Variants in VAV3 observed in about 807,000 individuals in gnomAD.
The protein encoded by VAV3 is vav guanine nucleotide exchange factor 3, also known as guanine nucleotide exchange factor VAV3.
VAV3 carries 94 observed loss-of-function variants against 131.2 expected under a neutral mutation model. That is an observed-to-expected ratio of 0.72 (90% CI 0.61 to 0.85). The LOEUF (loss-of-function observed/expected upper bound fraction) is 0.85, where lower values mean the gene tolerates loss of function less well. Among genes scored for constraint, VAV3 ranks in the 40% least tolerant of loss-of-function variants. The pLI is 0.00. For missense variants in VAV3, 939 were observed against 1,002.7 expected, an observed-to-expected ratio of 0.94 and a Z score of 0.86; for synonymous variants, 349 against 342.0, an observed-to-expected ratio of 1.02 and a Z score of -0.22.
At chr1:107,720,878 G>A (rs888784328) in intron 15 of VAV3, among the ~76,000 whole-genome samples, 17 of 152,174 alleles carry the variant, frequency 1.1e-4, no homozygotes, top group African/African-American at 3.9e-4. Flanking sequence ...CTTTCTCAGT[G>A]GAGACCAAAA....
intron 2 of VAV3, among the ~76,000 whole-genome samples, chr1:107,834,836 A>T (rs1292092731): frequency 6.6e-6 from 1 of 151,984 alleles, no homozygotes; most frequent in Non-Finnish European, 1.5e-5. Context: ...GCTCCTAAGG[A>T]AGAAGTGAGT....
intron 2 of VAV3, among the ~76,000 whole-genome samples, chr1:107,812,121 A>G (rs1667341767): frequency 6.6e-6 from 1 of 152,196 alleles, no homozygotes; most frequent in African/African-American, 2.4e-5. Context: ...ATCATTAACA[A>G]AAGTTTAAAG....
At chr1:107,810,284 T>A (rs916501774) in intron 2 of VAV3, among the ~76,000 whole-genome samples, 23 of 152,194 alleles carry the variant, frequency 1.5e-4, no homozygotes, top group African/African-American at 5.5e-4. Context: ...CCATCAGCAT[T>A]TTCTACACAT....
chr1:107,830,861 C>T (rs1376536496), intron 2 of VAV3, among the ~76,000 whole-genome samples: 4 of 152,146 alleles, frequency 2.6e-5, no homozygotes, highest in Non-Finnish European at 5.9e-5. Flanking sequence ...TGTGAGCCAC[C>T]GCAGCTGGCT....
At chr1:107,588,792 G>A (rs1425028756) in intron 25 of VAV3, among the ~76,000 whole-genome samples, 5 of 152,130 alleles carry the variant, frequency 3.3e-5, no homozygotes, top group Admixed American at 6.6e-5. Flanking sequence ...TTTGTAAAAG[G>A]GGTTTGAAAA....
intron 2 of VAV3, among the ~76,000 whole-genome samples, chr1:107,853,186 C>T (rs115675288): frequency 0.018 from 2,759 of 152,172 alleles, 73 homozygotes; most frequent in African/African-American, 0.054. Context: ...GTTAAGAGCT[C>T]GTGCTCTGGA....
intron 11 of VAV3, 28 bp downstream of exon 11, chr1:107,757,233 A>AC (rs1557825357): frequency 6.2e-7 from 1 of 1,602,460 alleles, no homozygotes; most frequent in Admixed American, 1.7e-5. Flanking sequence ...TAAAAAATAC[A>AC]AACAAATTAC....
chr1:107,704,483 CTTAA>C (rs752825673), intron 17 of VAV3, 63 bp downstream of exon 17: 160 of 1,279,504 alleles, frequency 1.3e-4, no homozygotes, highest in Non-Finnish European at 1.8e-4. Flanking sequence ...TAAATTAGGC[CTTAA>C]TTATGTTTAG....
chr1:107,866,728 C>G (rs1168421655), intron 2 of VAV3, among the ~76,000 whole-genome samples: 4 of 142,564 alleles, frequency 2.8e-5, no homozygotes, highest in African/African-American at 1.1e-4. Flanking sequence ...GAGGCTGAGG[C>G]AGGAGAATCA....
At chr1:107,741,716 A>ATG (rs1663034488) in intron 15 of VAV3, among the ~76,000 whole-genome samples, 1 of 152,184 alleles carries the variant, frequency 6.6e-6, no homozygotes, top group Non-Finnish European at 1.5e-5. Context: ...AAATATGAGA[A>ATG]TGTAGGTGGG....
At chr1:107,607,681 T>C (rs963472929) in intron 22 of VAV3, among the ~76,000 whole-genome samples, 2 of 152,232 alleles carry the variant, frequency 1.3e-5, no homozygotes, top group African/African-American at 4.8e-5. Flanking sequence ...GATTTTAGGA[T>C]AGTTCCCCAG....
intron 19 of VAV3, among the ~76,000 whole-genome samples, chr1:107,644,941 C>T (rs996134361): frequency 1.6e-5 from 1 of 64,352 alleles, no homozygotes; most frequent in Non-Finnish European, 4.1e-5. Context: ...CACTAGTATA[C>T]TCTGTATACT....
chr1:107,798,515 G>A (rs989957149), intron 2 of VAV3, among the ~76,000 whole-genome samples: 3 of 151,784 alleles, frequency 2.0e-5, no homozygotes, highest in African/African-American at 4.8e-5. Flanking sequence ...TCAGGAGATC[G>A]AGACCATTCT....
In VAV3 at chr1:107,642,669, C is replaced by T. The variant is rs765664381; in HGVS notation, c.1864G>A (p.Gly622Arg). The change falls in exon 20 of 27, where the codon GGG becomes AGG. Residue 622 changes from glycine to arginine, a missense_variant. Gly to Arg is a moderately radical substitution (Grantham distance 125). Transcript: ENST00000370056. ...HEGPPLQLQA[G>R]DTVELLKGDA... is the part of the protein sequence containing the mutation. ...CCTTTCAGAAGTTCAACGGTATCCC[C>T]GGCCTGGAGCTGTAAAGGGGGTCCT... 1.5e-5 allele frequency: 24 copies of T among 1,613,164 alleles called. No individual in the cohort carries two copies. Among genetic ancestry groups the T allele is most frequent in the Non-Finnish European group, 1.9e-5 (23 of 1,179,632 alleles).
chr1:107,874,438 A>T (rs534546186), intron 2 of VAV3, among the ~76,000 whole-genome samples: 2 of 152,296 alleles, frequency 1.3e-5, no homozygotes, highest in South Asian at 4.1e-4. Context: ...ACCAAGTATC[A>T]AAATAGAGAA....
At chr1:107,658,711 A>AT (rs1245935419) in intron 19 of VAV3, among the ~76,000 whole-genome samples, 1 of 151,962 alleles carries the variant, frequency 6.6e-6, no homozygotes, top group African/African-American at 2.4e-5. Flanking sequence ...GATGATGAGC[A>AT]TTTTTTCATG....
At chr1:107,753,842 G>A (rs1663935068) in intron 12 of VAV3, among the ~76,000 whole-genome samples, 1 of 151,888 alleles carries the variant, frequency 6.6e-6, no homozygotes, top group Non-Finnish European at 1.5e-5. Context: ...TTACATGTGT[G>A]AGCCACCACA....
In VAV3 at chr1:107,630,273, T is replaced by A. The variant is rs554822639; in HGVS notation, c.1914+12346A>T. ...CTGGTTCTCCCAACATGAAACACAG[T>A]CAGTTACATAGTAGGCACTTTATAA... On this transcript the variant is annotated intron_variant, in intron 20 of 26. Coordinates refer to ENST00000370056, the MANE Select transcript of VAV3 (RefSeq NM_006113.5). Among the ~76,000 whole-genome samples, 11 of 152,190 alleles carry A rather than the reference T, an allele frequency of 7.2e-5. No individual in the cohort carries two copies. In the South Asian group the frequency reaches 2.3e-3, roughly 32 times the overall value.
At chr1:107,673,130 T>A (rs563573584) in intron 19 of VAV3, among the ~76,000 whole-genome samples, 2 of 152,202 alleles carry the variant, frequency 1.3e-5, no homozygotes, top group African/African-American at 4.8e-5. Context: ...GAAAGACTAA[T>A]GTTCAACAAT....
Sources: gnomAD v4.1 joint callset for allele counts (sites outside exome capture counted in the v4.1 genomes callset) on GRCh38, gnomAD v4.1.1 for gene constraint, MANE v1.5 for transcripts, NCBI Gene and HGNC (gene_info 2026-07-23, HGNC 2026-07-21) for gene names.